The following ATF7IP variants were observed in gnomAD, a reference collection of about 807,000 sequenced individuals.
ATF7IP encodes the protein activating transcription factor 7-interacting protein 1.
ATF7IP carries 23 observed loss-of-function variants against 106.4 expected under a neutral mutation model. The observed-to-expected ratio is 0.22, with a 90% CI of 0.16 to 0.31. ATF7IP has a LOEUF of 0.31. Among genes scored for constraint, ATF7IP ranks in the 10% least tolerant of loss-of-function variants. ATF7IP has a pLI of 1.00. For missense variants in ATF7IP, 1,334 were observed against 1,524.3 expected (o/e 0.88, Z 2.08); for synonymous variants, 542 against 539.0 (o/e 1.01, Z -0.08).
chr12:14,408,866 T>C (rs1289258146), intron 1 of ATF7IP, among the ~76,000 whole-genome samples: 2 of 152,150 alleles, frequency 1.3e-5, no homozygotes, highest in Non-Finnish European at 2.9e-5. Context: ...AGGAATTATT[T>C]TAGATGTCAG....
intron 13 of ATF7IP, among the ~76,000 whole-genome samples, chr12:14,489,531 T>C (rs904912339): frequency 2.6e-5 from 4 of 152,164 alleles, no homozygotes; most frequent in Non-Finnish European, 5.9e-5. Flanking sequence ...CCACTTCCAC[T>C]TCCACCCTCT....
Position 14,397,394 on chromosome 12 carries a change from G to GTAGT in ATF7IP, c.-7-26513_-7-26510dup, listed in dbSNP as rs1470206311. On this transcript the variant is annotated intron_variant, in intron 1 of 14. Transcript: ENST00000261168. ...AAATGAAATGAACCTAAGTGGTCAGGTAGTTTCTAATATTGCACTTTGCAC... is the reference window on the plus strand; with the variant it reads ...AAATGAAATGAACCTAAGTGGTCAGGTAGTTAGTTTCTAATATTGCACTTTGCAC... 2.0e-5 allele frequency among the ~76,000 whole-genome samples: 3 copies of GTAGT among 152,304 alleles called. No homozygotes were observed. In the East Asian group the frequency reaches 5.8e-4, roughly 29 times the overall value.
chr12:14,490,468 C>T (rs553082849), intron 13 of ATF7IP, among the ~76,000 whole-genome samples: 1 of 152,286 alleles, frequency 6.6e-6, no homozygotes, highest in African/African-American at 2.4e-5. Context: ...CACATCTAGC[C>T]ATTTCTCTTT....
In ATF7IP at chr12:14,484,778, C is replaced by G. The variant is rs1944543513; in HGVS notation, c.3280+3593C>G. 2.0e-5 allele frequency among the ~76,000 whole-genome samples: 3 copies of G among 152,162 alleles called. No homozygotes were observed. The South Asian group carries it at 6.2e-4, about 31-fold the overall frequency. ...ACTTCCTCATGTAAATTACTTGTGC[C>G]TTCGGAACCTGCTTGAGCCCAATCA... On this transcript the variant is annotated intron_variant, in intron 13 of 14. Transcript: ENST00000261168.
At chr12:14,395,807 C>G (rs778545792) in intron 1 of ATF7IP, among the ~76,000 whole-genome samples, 2 of 151,846 alleles carry the variant, frequency 1.3e-5, no homozygotes, top group Non-Finnish European at 2.9e-5. Flanking sequence ...TTCCATTTCT[C>G]TATATTTAAA....
chr12:14,365,879 T>G (rs141623057), intron 1 of ATF7IP, 52 bp downstream of exon 1: 1 of 152,514 alleles, frequency 6.6e-6, no homozygotes, highest in Non-Finnish European at 1.5e-5. Context: ...AAATTACTAT[T>G]GTATTTCTGA....
intron 2 of ATF7IP, among the ~76,000 whole-genome samples, chr12:14,433,790 C>T (rs2136607211): frequency 6.6e-6 from 1 of 152,174 alleles, no homozygotes. Context: ...ATATTAAGCA[C>T]CTAGCTCAGT....
chr12:14,423,198 A>C (rs966093392), intron 1 of ATF7IP, among the ~76,000 whole-genome samples: 2 of 152,134 alleles, frequency 1.3e-5, no homozygotes, highest in Admixed American at 6.6e-5. Context: ...ATGTCTGTTC[A>C]AGTCCTTTGA....
At chr12:14,464,513 A>G (rs1943755617) in intron 9 of ATF7IP, among the ~76,000 whole-genome samples, 2 of 152,162 alleles carry the variant, frequency 1.3e-5, no homozygotes, top group Non-Finnish European at 2.9e-5. Context: ...TTTTATTTGT[A>G]TTTTTATGGA....
chr12:14,502,917 T>G lies in ATF7IP; in HGVS notation c.*4844T>G, dbSNP rs1365136056. 1 of 152,236 alleles carries G rather than the reference T, an allele frequency of 6.6e-6. No individual in the cohort carries two copies. Among genetic ancestry groups the G allele is most frequent in the Non-Finnish European group, 1.5e-5 (1 of 68,044 alleles). The allele number at this position is 152,236 out of a possible 1,614,324, so 9.4% of individuals were successfully genotyped here. On this transcript the variant is annotated 3_prime_UTR_variant, in exon 15 of 15. Transcript: ENST00000261168. ...TGAAATTTATACTTTGAAATAAAAC[T>G]ACTGGGTTTTTAACATTCTGAGTAC...
intron 1 of ATF7IP, among the ~76,000 whole-genome samples, chr12:14,401,202 T>C (rs998340288): frequency 2.6e-5 from 4 of 152,206 alleles, no homozygotes; most frequent in Non-Finnish European, 5.9e-5. Flanking sequence ...CGTTTTGTTT[T>C]GTTTTTGTTT....
At chr12:14,438,449 CAGT>C (rs1348984076) in intron 5 of ATF7IP, among the ~76,000 whole-genome samples, 182 bp downstream of exon 5, 38 of 152,186 alleles carry the variant, frequency 2.5e-4, no homozygotes, top group Admixed American at 2.5e-3. Context: ...GTGGTTTAAA[CAGT>C]AGAAATATTC....
chr12:14,486,914 G>C (rs1461178259), intron 13 of ATF7IP, among the ~76,000 whole-genome samples: 2 of 152,092 alleles, frequency 1.3e-5, no homozygotes, highest in Non-Finnish European at 2.9e-5. Context: ...AATCTGTTTC[G>C]CAAGGCATTG....
chr12:14,409,915 T>C (rs188128915), intron 1 of ATF7IP, among the ~76,000 whole-genome samples: 81 of 152,226 alleles, frequency 5.3e-4, no homozygotes, highest in Admixed American at 1.2e-3. Flanking sequence ...TTTTAAAATA[T>C]CTAGTTTATT....
rs1004303903 is a variant in ATF7IP at position 14,434,203 on chromosome 12, C to G, written c.1559-134C>G. The G allele has an allele frequency of 8.3e-5, 49 of 590,974 alleles. No individual in the cohort carries two copies. In the African/African-American group the frequency reaches 9.0e-4, roughly 11 times the overall value. The allele number at this position is 590,974 out of a possible 1,614,324, so 36.6% of individuals were successfully genotyped here. The stretch of plus-strand genomic sequence containing the variant: ...AGTTCCTGCTCCCCTTTTCCCCTCC[C>G]CAAATTTTACATTTTGGGACTCTGA... On this transcript the variant is annotated intron_variant, in intron 2 of 14. Transcript: ENST00000261168.
chr12:14,494,262 T>C (rs1944922232), intron 13 of ATF7IP, among the ~76,000 whole-genome samples: 1 of 133,188 alleles, frequency 7.5e-6, no homozygotes, highest in South Asian at 2.4e-4. Context: ...ATTAGGGTTC[T>C]CTAGGGGGAC....
At chr12:14,371,721 A>T (rs1407150001) in intron 1 of ATF7IP, among the ~76,000 whole-genome samples, 1 of 152,116 alleles carries the variant, frequency 6.6e-6, no homozygotes, top group Non-Finnish European at 1.5e-5. Flanking sequence ...TTAATTGATG[A>T]TTTTATTAAT....
At chr12:14,488,224 A>C (rs1416586081) in intron 13 of ATF7IP, among the ~76,000 whole-genome samples, 2 of 151,980 alleles carry the variant, frequency 1.3e-5, no homozygotes, top group Non-Finnish European at 2.9e-5. Flanking sequence ...GTATCCTATA[A>C]ATTTGTAGAT....
At chr12:14,430,015 G>A (rs1400656202) in intron 2 of ATF7IP, among the ~76,000 whole-genome samples, 1 of 152,150 alleles carries the variant, frequency 6.6e-6, no homozygotes, top group Non-Finnish European at 1.5e-5. Flanking sequence ...GCTATTAGGT[G>A]ACAAGATGAA....
Sources: gnomAD v4.1 joint callset for allele counts (sites outside exome capture counted in the v4.1 genomes callset) on GRCh38, gnomAD v4.1.1 for gene constraint, MANE v1.5 for transcripts, NCBI Gene and HGNC (gene_info 2026-07-23, HGNC 2026-07-21) for gene names.